LMO7: variants seen among roughly 807,000 people sequenced by gnomAD.
LMO7 encodes the protein LIM domain only protein 7.
Under a neutral mutation model 206.5 loss-of-function variants are expected in LMO7, and 120 were observed. The observed-to-expected ratio is 0.58, with a 90% CI of 0.50 to 0.68. LMO7 has a LOEUF of 0.68. Ranked by LOEUF, LMO7 falls within the 30% of genes least tolerant of loss-of-function variation. LMO7 has a pLI of 0.00. For synonymous variants in LMO7, 706 were observed against 681.5 expected, an observed-to-expected ratio of 1.04 and a Z score of -0.56; for missense variants, 1,959 against 1,957.9, an observed-to-expected ratio of 1.00 and a Z score of -0.01.
chr13:75,850,400 C>A (rs1266965831), intron 27 of LMO7, among the ~76,000 whole-genome samples: 1 of 152,138 alleles, frequency 6.6e-6, no homozygotes, highest in Non-Finnish European at 1.5e-5. Context: ...ACTCTATCTT[C>A]TGGATATATT....
Position 75,853,072 on chromosome 13 carries a change from G to A in LMO7, c.4365-20G>A, listed in dbSNP as rs781643251. On this transcript the variant is annotated intron_variant, in intron 27 of 30. Transcript: ENST00000377534. Reference sequence around the variant, plus strand: ...GTTGAACATGTCACATTATTTTGATGAGTCTTTTTTGTGTTTCAGAGGCGA... The same window carrying A: ...GTTGAACATGTCACATTATTTTGATAAGTCTTTTTTGTGTTTCAGAGGCGA... 2 of 1,551,906 alleles carry A rather than the reference G, an allele frequency of 1.3e-6. No homozygotes were observed. Among genetic ancestry groups the A allele is most frequent in the Non-Finnish European group, 1.7e-6 (2 of 1,146,656 alleles).
In LMO7 at chr13:75,778,716, T is replaced by C. The variant is rs372443040; in HGVS notation, c.318-16685T>C. Among the ~76,000 whole-genome samples, 16 of 152,374 alleles carry C rather than the reference T, an allele frequency of 1.1e-4. No homozygotes were observed. The East Asian group carries it at 2.5e-3, about 24-fold the overall frequency. On this transcript the variant is annotated intron_variant, in intron 4 of 30. Coordinates refer to ENST00000377534, the MANE Select transcript of LMO7 (RefSeq NM_001306080.2). ...TAGTTGGGTAAGGCTAGAGGACTTA[T>C]GTTTCAACTGAACTTTTTTTCAGGG...
At chr13:75,705,972 C>G (rs1266003521) in intron 1 of LMO7, among the ~76,000 whole-genome samples, 1 of 152,132 alleles carries the variant, frequency 6.6e-6, no homozygotes, top group Non-Finnish European at 1.5e-5. Flanking sequence ...TTCTTACTTT[C>G]ATTCTACAGA....
chr13:75,833,721 G>C (rs926048437), intron 16 of LMO7, among the ~76,000 whole-genome samples: 2 of 151,692 alleles, frequency 1.3e-5, no homozygotes, highest in Admixed American at 1.3e-4. Context: ...TTATTTTTTA[G>C]TTTTTTTTAC....
At chr13:75,767,212 A>G (rs2049017531) in intron 4 of LMO7, among the ~76,000 whole-genome samples, 3 of 152,140 alleles carry the variant, frequency 2.0e-5, no homozygotes, top group South Asian at 2.1e-4. Flanking sequence ...TGCTTAACTG[A>G]CATTTAAATA....
At position 75,804,320 on chromosome 13, in the gene LMO7, A is replaced by T; in HGVS notation, c.693A>T (p.Thr231=). ...GFESDTDSEF[T]FKMQDYNKDD... is the part of the protein sequence containing the mutation. ...AAAGTGACACAGATTCGGAATTTAC[A>T]TTTAAGATGCAGGATTATAATAAAG... The change falls in exon 8 of 31, where the codon ACA becomes ACT. Residue 231 remains threonine, a synonymous_variant. Transcript: ENST00000377534. The T allele has an allele frequency of 6.2e-7, 1 of 1,613,466 alleles. No individual in the cohort carries two copies. Among genetic ancestry groups the T allele is most frequent in the Non-Finnish European group, 8.5e-7 (1 of 1,179,408 alleles).
At chr13:75,644,162 A>G (rs1428816749) in intron 1 of LMO7, among the ~76,000 whole-genome samples, 1 of 152,188 alleles carries the variant, frequency 6.6e-6, no homozygotes, top group Admixed American at 6.5e-5. Flanking sequence ...GAGAAGCTGA[A>G]AAAATGACAA....
intron 4 of LMO7, among the ~76,000 whole-genome samples, chr13:75,792,166 C>T (rs1418308521): frequency 2.0e-5 from 3 of 152,092 alleles, no homozygotes; most frequent in Non-Finnish European, 4.4e-5. Flanking sequence ...CAGGGTCTTG[C>T]TATGTTTTCC....
chr13:75,624,897 A>G (rs1475081126), intron 2 of LMO7, among the ~76,000 whole-genome samples: 1 of 151,948 alleles, frequency 6.6e-6, no homozygotes, highest in Non-Finnish European at 1.5e-5. Flanking sequence ...TCTTAGACAC[A>G]AGGATCCACA....
chr13:75,633,933 T>G (rs1445807179), upstream of LMO7, among the ~76,000 whole-genome samples: 1 of 141,768 alleles, frequency 7.1e-6, no homozygotes, highest in Non-Finnish European at 1.5e-5. Flanking sequence ...CTGCACCCTC[T>G]GACTCCCTGG....
intron 1 of LMO7, among the ~76,000 whole-genome samples, chr13:75,660,326 C>T (rs2139247640): frequency 6.6e-6 from 1 of 152,218 alleles, no homozygotes; most frequent in Non-Finnish European, 1.5e-5. Context: ...TGTAGCTTAT[C>T]CTTTAAAAAA....
chr13:75,625,308 G>A (rs1296965179), intron 2 of LMO7, among the ~76,000 whole-genome samples: 1 of 152,098 alleles, frequency 6.6e-6, no homozygotes, highest in Non-Finnish European at 1.5e-5. Flanking sequence ...TCTAGACCAT[G>A]CCCAGAGACC....
chr13:75,840,762 A>T (rs140496652), intron 22 of LMO7, among the ~76,000 whole-genome samples: 462 of 152,272 alleles, frequency 3.0e-3, no homozygotes, highest in Middle Eastern at 6.8e-3. Context: ...TGAAGTGCAC[A>T]GACTTTGTGA....
chr13:75,636,823 C>T (rs2035928578), intron 1 of LMO7, 97 bp downstream of exon 1: 6 of 1,246,472 alleles, frequency 4.8e-6, no homozygotes, highest in South Asian at 1.3e-5. Context: ...GCACTTTAGC[C>T]TCCTTCGGCG....
At chr13:75,838,793 G>GGGCA (rs1450433256) in intron 20 of LMO7, among the ~76,000 whole-genome samples, 1 of 152,122 alleles carries the variant, frequency 6.6e-6, no homozygotes, top group East Asian at 1.9e-4. Flanking sequence ...TGGTGTAGTT[G>GGGCA]GGCAGGGCTG....
At chr13:75,735,054 C>T (rs899104600) in intron 3 of LMO7, among the ~76,000 whole-genome samples, 56 of 151,188 alleles carry the variant, frequency 3.7e-4, no homozygotes, top group African/African-American at 1.1e-3. Context: ...GCCGAGATCA[C>T]GCCACTGAAC....
At chr13:75,761,360 G>T (rs1157726949) in intron 4 of LMO7, among the ~76,000 whole-genome samples, 2 of 151,924 alleles carry the variant, frequency 1.3e-5, no homozygotes, top group Non-Finnish European at 2.9e-5. Flanking sequence ...GTGAATTTAG[G>T]GGTTATATTA....
At chr13:75,750,347 T>G (rs1437649934) in intron 3 of LMO7, among the ~76,000 whole-genome samples, 7 of 151,104 alleles carry the variant, frequency 4.6e-5, no homozygotes, top group Admixed American at 4.0e-4. Context: ...AAAACTTTTG[T>G]CCACAAAAAT....
intron 1 of LMO7, among the ~76,000 whole-genome samples, chr13:75,647,563 A>G (rs1046423120): frequency 7.9e-5 from 12 of 152,218 alleles, no homozygotes; most frequent in African/African-American, 2.7e-4. Flanking sequence ...ATACATCATC[A>G]TGAAACTTTG....
Sources: allele counts gnomAD v4.1 joint callset (sites outside exome capture counted in the v4.1 genomes callset), GRCh38; gene constraint gnomAD v4.1.1; transcripts MANE v1.5; gene names NCBI Gene and HGNC (gene_info 2026-07-23, HGNC 2026-07-21).